L2HGDH: variants seen among roughly 807,000 people sequenced by gnomAD.
The protein encoded by L2HGDH is L-2-hydroxyglutarate dehydrogenase.
L2HGDH carries 34 observed loss-of-function variants against 51.5 expected under a neutral mutation model. That is an observed-to-expected ratio of 0.66 (90% CI 0.50 to 0.88). The LOEUF is 0.88. L2HGDH is among the 40% of genes least tolerant of loss of function. L2HGDH has a pLI of 0.00. For missense variants in L2HGDH, 558 were observed against 571.9 expected, an observed-to-expected ratio of 0.98 and a Z score of 0.25; for synonymous variants, 198 against 197.9, an observed-to-expected ratio of 1.00 and a Z score of -0.01.
intron 9 of L2HGDH, among the ~76,000 whole-genome samples, chr14:50,259,384 T>TTTTC (rs1566506714): frequency 2.7e-5 from 3 of 111,920 alleles, no homozygotes; most frequent in African/African-American, 9.3e-5. Context: ...TTTTTTTTTT[T>TTTTC]CAGAAATGGG....
intron 3 of L2HGDH, among the ~76,000 whole-genome samples, chr14:50,297,344 C>T (rs1181811236): frequency 6.6e-6 from 1 of 150,850 alleles, no homozygotes; most frequent in East Asian, 2.0e-4. Context: ...CATGATCCTG[C>T]ATATAGTAAA....
Position 50,312,026 on chromosome 14 carries a change from C to T in L2HGDH, c.125G>A (p.Arg42His). ...GGCCACTCACCTGGTGCTGGCGCTG[C>T]GGCTACCTCCACACAGCGGTCTTGG... ...GRPRPLCGGS[R>H]SASTSSFDIV... Residue 42 changes from arginine to histidine, a missense_variant, in exon 1 of 10, where the codon CGC becomes CAC. Arg to His is a conservative substitution (Grantham distance 29, BLOSUM62 0). Around this residue, in one of 3 missense-constraint regions of L2HGDH, gnomAD observed 194 missense variants for 187.2 expected, o/e 1.04. Coordinates refer to ENST00000267436, the MANE Select transcript of L2HGDH (RefSeq NM_024884.3). The T allele has an allele frequency of 6.4e-7, 1 of 1,571,742 alleles. No individual in the cohort carries two copies. Among genetic ancestry groups the T allele is most frequent in the Admixed American group, 1.9e-5 (1 of 54,050 alleles).
chr14:50,293,354 T>C, intron 4 of L2HGDH: 6 of 686,406 alleles, frequency 8.7e-6, no homozygotes, highest in South Asian at 7.7e-5. Flanking sequence ...AAATGGACTG[T>C]AGATCTAAAT....
At chr14:50,277,774 AAATAATAATAATAAT>A (rs34552494) in intron 6 of L2HGDH, among the ~76,000 whole-genome samples, 2,668 of 133,490 alleles carry the variant, frequency 0.02, 49 homozygotes, top group African/African-American at 0.039. Context: ...CTCCGTCTCA[AAATAATAATAATAAT>A]AATAATAATA....
At chr14:50,261,115 T>TAA (rs550735275) in intron 9 of L2HGDH, among the ~76,000 whole-genome samples, 1 of 142,658 alleles carries the variant, frequency 7.0e-6, no homozygotes. Context: ...AGACTCCGTC[T>TAA]AAAAAAAAAA....
At chr14:50,275,932 G>A (rs1200650028) in intron 6 of L2HGDH, among the ~76,000 whole-genome samples, 2 of 152,150 alleles carry the variant, frequency 1.3e-5, no homozygotes, top group Admixed American at 6.5e-5. Context: ...ATTAGAGAAT[G>A]ACAGTGGTTC....
At chr14:50,287,210 A>G in intron 4 of L2HGDH, 1 of 985,368 alleles carries the variant, frequency 1.0e-6, no homozygotes, top group African/African-American at 1.7e-5. Flanking sequence ...TCAGGTACAG[A>G]GAACAATATC....
chr14:50,276,462 G>GC (rs57430595), intron 6 of L2HGDH, among the ~76,000 whole-genome samples: 81,096 of 150,162 alleles, frequency 0.54, 21,958 homozygotes, highest in East Asian at 0.63. Context: ...ATTGAATTGT[G>GC]CCCCCCCCAC....
intron 9 of L2HGDH, among the ~76,000 whole-genome samples, chr14:50,257,810 A>T: frequency 6.8e-6 from 1 of 147,376 alleles, no homozygotes; most frequent in African/African-American, 2.5e-5. Context: ...ATTGAAGCAT[A>T]TTTACTTTAC....
At position 50,269,480 on chromosome 14, in the gene L2HGDH, C is replaced by T. The variant is rs896351541; in HGVS notation, c.739-150G>A. ...AATACAGGTATCAGCAAAATATGTT[C>T]TTTAGCATTTAGGTGGCAGCTAGAA... On this transcript the variant is annotated intron_variant, in intron 6 of 9. Transcript: ENST00000267436. 1.8e-5 allele frequency: 13 copies of T among 711,504 alleles called. No homozygotes were observed. In the African/African-American group the frequency reaches 2.1e-4, roughly 12 times the overall value. The allele number at this position is 711,504 out of a possible 1,614,324, so 44.1% of individuals were successfully genotyped here.
At chr14:50,286,503 C>T (rs1890574291) in intron 4 of L2HGDH, among the ~76,000 whole-genome samples, 1 of 152,146 alleles carries the variant, frequency 6.6e-6, no homozygotes, top group South Asian at 2.1e-4. Flanking sequence ...AAACTTCTTT[C>T]TGGGTGGCCT....
At chr14:50,303,225 C>A (rs1164341986) in intron 1 of L2HGDH, among the ~76,000 whole-genome samples, 1 of 151,670 alleles carries the variant, frequency 6.6e-6, no homozygotes, top group Non-Finnish European at 1.5e-5. Flanking sequence ...AGATCGAGAC[C>A]ATCCTGGCCA....
At chr14:50,277,692 G>A (rs1890048693) in intron 6 of L2HGDH, among the ~76,000 whole-genome samples, 1 of 151,634 alleles carries the variant, frequency 6.6e-6, no homozygotes, top group African/African-American at 2.4e-5. Flanking sequence ...AGAATGGTGT[G>A]CACCCGAGAG....
chr14:50,279,607 A>C (rs1372105890), intron 5 of L2HGDH, among the ~76,000 whole-genome samples: 2 of 152,098 alleles, frequency 1.3e-5, no homozygotes, highest in African/African-American at 2.4e-5. Flanking sequence ...TGGGAGGCCA[A>C]GGTGGGCAGG....
At position 50,312,004 on chromosome 14, in the gene L2HGDH, C is replaced by A. The variant is rs2139246399; in HGVS notation, c.140+7G>T. 3 of 1,559,038 alleles carry A rather than the reference C, an allele frequency of 1.9e-6. No homozygotes were observed. The East Asian group carries it at 7.1e-5, about 37-fold the overall frequency. On this transcript the variant is annotated splice_region_variant and intron_variant, in intron 1 of 9. Coordinates refer to ENST00000267436, the MANE Select transcript of L2HGDH (RefSeq NM_024884.3). The stretch of plus-strand genomic sequence containing the variant: ...GCAGGCGGCGGGGAGGACCAGCGGC[C>A]ACTCACCTGGTGCTGGCGCTGCGGC...
chr14:50,273,016 C>A (rs193111582), intron 6 of L2HGDH, among the ~76,000 whole-genome samples: 279 of 152,194 alleles, frequency 1.8e-3, no homozygotes, highest in Non-Finnish European at 3.5e-3. Flanking sequence ...TCTCAGTGGG[C>A]AGACCTCTGA....
intron 6 of L2HGDH, among the ~76,000 whole-genome samples, chr14:50,272,539 T>C (rs1192132108): frequency 2.0e-5 from 3 of 152,250 alleles, no homozygotes; most frequent in South Asian, 4.1e-4. Flanking sequence ...TGGAGGAAAG[T>C]TATATCATCC....
Position 50,312,039 on chromosome 14 carries a change from A to G in L2HGDH, c.112T>C (p.Cys38Arg), listed in dbSNP as rs1248154757. Reference protein sequence around the residue: ...GFASGRPRPLCGGSRSASTSS... With the variant: ...GFASGRPRPLRGGSRSASTSS... Reference sequence around the variant, plus strand: ...GTGCTGGCGCTGCGGCTACCTCCACACAGCGGTCTTGGCCTCCCAGACGCG... The same window carrying G: ...GTGCTGGCGCTGCGGCTACCTCCACGCAGCGGTCTTGGCCTCCCAGACGCG... The change falls in exon 1 of 10, where the codon TGT becomes CGT. Residue 38 changes from cysteine to arginine, a missense_variant. Physicochemically the swap from Cys to Arg is radical, Grantham distance 180 (BLOSUM62 -3). Around this residue, in one of 3 missense-constraint regions of L2HGDH, gnomAD observed 194 missense variants for 187.2 expected, o/e 1.04. Transcript: ENST00000267436. 1.3e-6 allele frequency: 2 copies of G among 1,582,752 alleles called. No individual in the cohort carries two copies. Among genetic ancestry groups the G allele is most frequent in the Non-Finnish European group, 1.7e-6 (2 of 1,166,548 alleles).
chr14:50,246,886 C>A lies in L2HGDH; in HGVS notation c.*172G>T, dbSNP rs1888033843. On this transcript the variant is annotated 3_prime_UTR_variant, in exon 10 of 10. Coordinates refer to ENST00000267436, the MANE Select transcript of L2HGDH (RefSeq NM_024884.3). ...TACAGGCATGCGCCACCATGCCTGG[C>A]TAATTTTTGTAGAAAATTATTATTT... The A allele has an allele frequency of 3.3e-6, 4 of 1,221,552 alleles. No homozygotes were observed. Among genetic ancestry groups the A allele is most frequent in the Non-Finnish European group, 4.4e-6 (4 of 909,788 alleles). 75.7% of individuals were successfully genotyped at this position (1,221,552 alleles called of 1,614,324 possible).
Sources: allele counts gnomAD v4.1 joint callset (sites outside exome capture counted in the v4.1 genomes callset), GRCh38; gene constraint gnomAD v4.1.1; regional missense constraint gnomAD v4.1.1; transcripts MANE v1.5; gene names NCBI Gene and HGNC (gene_info 2026-07-23, HGNC 2026-07-21).